The following RTN4 variants were observed in gnomAD, a reference collection of about 807,000 sequenced individuals.
RTN4 encodes reticulon-4.
A neutral mutation model predicts 90.4 loss-of-function variants in RTN4; 32 were observed. The ratio of observed to expected loss-of-function variants is 0.35; its 90% CI spans 0.27 to 0.48. RTN4 has a LOEUF of 0.48. Among genes scored for constraint, RTN4 ranks in the 20% least tolerant of loss-of-function variants. The pLI is 0.99. For missense variants in RTN4, 1,706 were observed against 1,430.2 expected (o/e 1.19, Z -3.11); for synonymous variants, 629 against 552.5 (o/e 1.14, Z -1.94).
At position 54,982,572 on chromosome 2, in the gene RTN4, G is replaced by A. The variant is rs140801868; in HGVS notation, c.3303C>T (p.Cys1101=). The A allele has an allele frequency of 3.7e-4, 597 of 1,613,666 alleles. 2 individuals are homozygous for A. Among genetic ancestry groups the A allele is most frequent in the South Asian group, 1.2e-3 (112 of 90,992 alleles). ...AGAGGCGCCTGAGTTCCTTTATCGT[G>A]CAGTTCACATGACCAAGAGCAGAAT... ...YSNSALGHVN[C]TIKELRRLFL... The change falls in exon 5 of 9, where the codon TGC becomes TGT. Residue 1101 remains cysteine, a synonymous_variant. Coordinates refer to ENST00000337526, the MANE Select transcript of RTN4 (RefSeq NM_020532.5).
rs531047260 is a variant in RTN4, at chr2:55,103,368, C to A, written c.-214+9152G>T. 5.5e-4 allele frequency among the ~76,000 whole-genome samples: 83 copies of A among 152,046 alleles called. No individual in the cohort carries two copies. In the South Asian group the frequency reaches 6.0e-3, roughly 11 times the overall value. On this transcript the variant is annotated intron_variant, in intron 1 of 3. Coordinates refer to the RTN4 transcript ENST00000427710. ...TAAAGGGTACAAAGTTTCAGTTATG[C>A]AAGATAAATAAGTTCTGGAGACCTA...
At chr2:55,104,415 C>G (rs146536872) in intron 1 of RTN4, among the ~76,000 whole-genome samples, 17 of 151,768 alleles carry the variant, frequency 1.1e-4, no homozygotes, top group African/African-American at 3.6e-4. Context: ...TGCAGCGTTG[C>G]GATCTCAGCT....
chr2:55,025,116 T>G lies in RTN4; in HGVS notation c.2983A>C (p.Ile995Leu). 1 of 1,611,288 alleles carries G rather than the reference T, an allele frequency of 6.2e-7. No homozygotes were observed. Among genetic ancestry groups the G allele is most frequent in the Non-Finnish European group, 8.5e-7 (1 of 1,178,822 alleles). ...TEKEDRSPSA[I>L]FSAELSKTSV... ...GTTTTACTCAGCTCTGCTGAAAATA[T>G]AGCAGATGGTGATCTGTCCTCTTTT... Residue 995 changes from isoleucine to leucine, a missense_variant, in exon 3 of 9, where the codon ATA becomes CTA. Transcript: ENST00000337526.
At chr2:55,124,483 A>C in the RTN4 span, among the ~76,000 whole-genome samples, 2 of 152,248 alleles carry the variant, frequency 1.3e-5, no homozygotes, top group South Asian at 2.1e-4. Flanking sequence ...AAAAGAATAA[A>C]ATACCTAGGA....
chr2:55,122,178 C>T, the RTN4 span, among the ~76,000 whole-genome samples: 6 of 152,090 alleles, frequency 3.9e-5, no homozygotes, highest in South Asian at 1.2e-3. Context: ...AGGATTTTGC[C>T]ATGTTGCCCA....
upstream of RTN4, among the ~76,000 whole-genome samples, chr2:55,113,989 A>C (rs184125007): frequency 7.9e-4 from 120 of 152,374 alleles, no homozygotes; most frequent in African/African-American, 2.6e-3. Context: ...TTGCTCCCTG[A>C]AATGGCCTCA....
chr2:55,072,390 C>T (rs970690675), intron 2 of RTN4, among the ~76,000 whole-genome samples: 1 of 152,054 alleles, frequency 6.6e-6, no homozygotes, highest in Non-Finnish European at 1.5e-5. Context: ...CCACCATGCC[C>T]AGCTGATTTT....
At chr2:55,113,949 G>A (rs1189542998), upstream of RTN4, among the ~76,000 whole-genome samples, 3 of 152,204 alleles carry the variant, frequency 2.0e-5, no homozygotes, top group Admixed American at 2.0e-4. Flanking sequence ...ACTAAACTGG[G>A]CTGTGAAAGA....
At chr2:55,082,987 C>T (rs1024476065) in intron 1 of RTN4, among the ~76,000 whole-genome samples, 9 of 152,106 alleles carry the variant, frequency 5.9e-5, no homozygotes, top group Non-Finnish European at 1.3e-4. Context: ...GATTCAAACT[C>T]AGGTCTAAAG....
chr2:55,077,139 A>C (rs550432339), intron 2 of RTN4, among the ~76,000 whole-genome samples: 1 of 151,694 alleles, frequency 6.6e-6, no homozygotes, highest in Non-Finnish European at 1.5e-5. Context: ...CAGCCTCCCG[A>C]GTAGCTGGGA....
chr2:54,987,586 G>A lies in RTN4; in HGVS notation c.3126C>T (p.Tyr1042=). 2 of 1,614,158 alleles carry A rather than the reference G, an allele frequency of 1.2e-6. No individual in the cohort carries two copies. The highest frequency in any genetic ancestry group is 1.7e-6 in the Non-Finnish European group (2 of 1,179,990). The change falls in exon 4 of 9, where the codon TAC becomes TAT. Residue 1042 remains tyrosine (Y), a synonymous_variant. Coordinates refer to ENST00000337526, the MANE Select transcript of RTN4 (RefSeq NM_020532.5). ...TCACAGAGAGCAGGGCCAAGGCAAT[G>A]TAGGCTGTTACGCTCACAATGCTGA... ...TVFSIVSVTA[Y]IALALLSVTI... is the part of the protein sequence containing the mutation.
At chr2:54,973,675 A>G in intron 7 of RTN4, 54 bp from the exon 8 acceptor site, 1 of 1,515,270 alleles carries the variant, frequency 6.6e-7, no homozygotes, top group Non-Finnish European at 9.2e-7. Context: ...CTTATTAACC[A>G]CTACTATGTG....
chr2:55,107,306 T>A (rs1667960378), intron 1 of RTN4, among the ~76,000 whole-genome samples: 1 of 149,762 alleles, frequency 6.7e-6, no homozygotes, highest in Admixed American at 6.7e-5. Context: ...TGATAGCATT[T>A]AAGCAAGTTT....
At chr2:55,081,369 A>G (rs978236028) in intron 1 of RTN4, among the ~76,000 whole-genome samples, 1 of 152,026 alleles carries the variant, frequency 6.6e-6, no homozygotes, top group Non-Finnish European at 1.5e-5. Flanking sequence ...GAGCCACCAC[A>G]ACCAGCCTTC....
chr2:55,053,408 C>T (rs1179592706), upstream of RTN4, among the ~76,000 whole-genome samples: 3 of 152,054 alleles, frequency 2.0e-5, no homozygotes, highest in African/African-American at 4.8e-5. Flanking sequence ...GCTTATCAGA[C>T]GGGCACCGTG....
At chr2:55,039,001 T>C (rs559982873) in intron 1 of RTN4, among the ~76,000 whole-genome samples, 1 of 152,330 alleles carries the variant, frequency 6.6e-6, no homozygotes, top group South Asian at 2.1e-4. Context: ...AAGCACAAAA[T>C]GTATGATTCC....
chr2:55,080,563 T>G (rs979470240), exon 2 of RTN4: 5 of 152,232 alleles, frequency 3.3e-5, no homozygotes, highest in Non-Finnish European at 5.9e-5. Context: ...TTTTATACCC[T>G]TCTTTAATGG....
In RTN4 at chr2:55,049,653, G is replaced by A. The variant is rs946425891; in HGVS notation, c.556+92C>T. The A allele has an allele frequency of 9.8e-6, 15 of 1,530,092 alleles. No individual in the cohort carries two copies. The African/African-American group carries it at 1.9e-4, about 20-fold the overall frequency. 94.8% of individuals were successfully genotyped at this position (1,530,092 alleles called of 1,614,324 possible). Reference sequence around the variant, plus strand: ...CCGCAGACAAAGCGCCCTCGGGGCGGAGAGGAGGGACCAGCCCAAAGCATC... The same window carrying A: ...CCGCAGACAAAGCGCCCTCGGGGCGAAGAGGAGGGACCAGCCCAAAGCATC... On this transcript the variant is annotated intron_variant, in intron 1 of 8. Coordinates refer to ENST00000337526, the MANE Select transcript of RTN4 (RefSeq NM_020532.5).
chr2:55,024,438 A>C (rs1343606959), intron 3 of RTN4, among the ~76,000 whole-genome samples: 1 of 152,172 alleles, frequency 6.6e-6, no homozygotes, highest in African/African-American at 2.4e-5. Context: ...AACGCAGCTA[A>C]ATCAGAATGC....
Sources: gnomAD v4.1 joint callset for allele counts (sites outside exome capture counted in the v4.1 genomes callset) on GRCh38, gnomAD v4.1.1 for gene constraint, MANE v1.5 for transcripts, NCBI Gene and HGNC (gene_info 2026-07-23, HGNC 2026-07-21) for gene names.